The following LIMS1 variants were observed in gnomAD, a reference collection of about 807,000 sequenced individuals.
The protein encoded by LIMS1 is LIM zinc finger domain containing 1.
In LIMS1, 18 loss-of-function variants were observed where a neutral mutation model predicts 44.1. That is an observed-to-expected ratio of 0.41 (90% CI 0.28 to 0.61). The LOEUF (loss-of-function observed/expected upper bound fraction) is 0.61, where lower values mean the gene tolerates loss of function less well. Ranked by LOEUF, LIMS1 falls within the 20% of genes least tolerant of loss-of-function variation. LIMS1 has a pLI of 0.32. For missense variants in LIMS1, 201 were observed against 422.0 expected (o/e 0.48, Z 4.59); for synonymous variants, 93 against 149.1 (o/e 0.62, Z 2.74).
At chr2:108,680,204 A>G (rs115138950) in intron 8 of LIMS1, among the ~76,000 whole-genome samples, 3,902 of 151,674 alleles carry the variant, frequency 0.026, 126 homozygotes, top group South Asian at 0.14. Flanking sequence ...TCCCGTCTCT[A>G]TTAAATACAA....
intron 1 of LIMS1, among the ~76,000 whole-genome samples, chr2:108,568,065 G>C (rs969884255): frequency 2.0e-5 from 3 of 152,110 alleles, no homozygotes; most frequent in Non-Finnish European, 4.4e-5. Context: ...ATTTATTTCA[G>C]TGCTTAATAT....
chr2:108,647,581 C>T (rs988183876), intron 1 of LIMS1, among the ~76,000 whole-genome samples: 6 of 152,142 alleles, frequency 3.9e-5, no homozygotes, highest in African/African-American at 1.2e-4. Flanking sequence ...TACTAGCAAA[C>T]GGAATCCAGC....
At chr2:108,636,665 A>G (rs1481274072) in intron 1 of LIMS1, among the ~76,000 whole-genome samples, 2 of 152,228 alleles carry the variant, frequency 1.3e-5, no homozygotes, top group Non-Finnish European at 2.9e-5. Context: ...GGTAATTGCC[A>G]TATTTTTATA....
At chr2:108,548,871 A>G (rs577256858) in intron 1 of LIMS1, among the ~76,000 whole-genome samples, 5 of 152,344 alleles carry the variant, frequency 3.3e-5, no homozygotes, top group African/African-American at 7.2e-5. Context: ...CTTTTTAGAA[A>G]TGAAGTTTTG....
intron 1 of LIMS1, among the ~76,000 whole-genome samples, chr2:108,593,081 G>A (rs534182195): frequency 5.3e-5 from 8 of 152,196 alleles, no homozygotes; most frequent in African/African-American, 1.9e-4. Flanking sequence ...GTAATTCTAT[G>A]TTTAGCTTTT....
chr2:108,617,441 TAGA>T (rs766935026), intron 1 of LIMS1, among the ~76,000 whole-genome samples: 2 of 152,346 alleles, frequency 1.3e-5, no homozygotes, highest in South Asian at 2.1e-4. Context: ...TCCAATACTG[TAGA>T]AGAAGTGTGT....
intron 1 of LIMS1, among the ~76,000 whole-genome samples, chr2:108,594,526 G>A (rs1272176293): frequency 6.6e-6 from 1 of 152,122 alleles, no homozygotes; most frequent in African/African-American, 2.4e-5. Flanking sequence ...GAGATCGTTT[G>A]AAATGAAAGG....
chr2:108,619,652 C>G (rs555650828), intron 1 of LIMS1, among the ~76,000 whole-genome samples: 21 of 152,272 alleles, frequency 1.4e-4, no homozygotes, highest in African/African-American at 5.1e-4. Flanking sequence ...CCACTGCACT[C>G]TAGCCTGGGT....
At chr2:108,576,191 T>C (rs999846476) in intron 1 of LIMS1, among the ~76,000 whole-genome samples, 10 of 152,232 alleles carry the variant, frequency 6.6e-5, no homozygotes, top group African/African-American at 2.4e-4. Flanking sequence ...TAATAGGTTT[T>C]ATTCATTCCT....
chr2:108,661,512 C>G (rs1691367966), intron 2 of LIMS1, among the ~76,000 whole-genome samples: 1 of 151,868 alleles, frequency 6.6e-6, no homozygotes, highest in African/African-American at 2.4e-5. Flanking sequence ...GCAGGAGAGG[C>G]CAATGTACCA....
intron 1 of LIMS1, among the ~76,000 whole-genome samples, chr2:108,615,195 G>A (rs1687864384): frequency 6.6e-6 from 1 of 152,116 alleles, no homozygotes; most frequent in Non-Finnish European, 1.5e-5. Flanking sequence ...GGAAAATCTG[G>A]ATTTGTGGAA....
At chr2:108,609,969 T>C (rs1411154724) in intron 1 of LIMS1, among the ~76,000 whole-genome samples, 2 of 152,158 alleles carry the variant, frequency 1.3e-5, no homozygotes, top group Non-Finnish European at 2.9e-5. Flanking sequence ...GGTGAAACCC[T>C]GTCTCTACTA....
chr2:108,541,148 CT>C (rs1684303243), intron 1 of LIMS1, among the ~76,000 whole-genome samples: 1 of 152,200 alleles, frequency 6.6e-6, no homozygotes, highest in South Asian at 2.1e-4. Context: ...GTGCTTGCAA[CT>C]TTTTCCTCCC....
intron 3 of LIMS1, among the ~76,000 whole-genome samples, chr2:108,671,448 C>G (rs1692157585): frequency 6.6e-6 from 1 of 152,162 alleles, no homozygotes; most frequent in Non-Finnish European, 1.5e-5. Context: ...CCTTTACCAA[C>G]TTGCTTTTGG....
At chr2:108,667,538 T>TA (rs546617468) in intron 2 of LIMS1, among the ~76,000 whole-genome samples, 4,346 of 128,502 alleles carry the variant, frequency 0.034, 212 homozygotes, top group African/African-American at 0.11. Flanking sequence ...CAACCTTTTT[T>TA]AAAAAAAAAA....
chr2:108,606,018 C>T (rs892419783), intron 1 of LIMS1, among the ~76,000 whole-genome samples: 2 of 152,228 alleles, frequency 1.3e-5, no homozygotes, highest in African/African-American at 4.8e-5. Flanking sequence ...GCCCAAGTAC[C>T]AGGTTCCTGC....
At chr2:108,611,925 T>A (rs1687642504) in intron 1 of LIMS1, among the ~76,000 whole-genome samples, 1 of 144,940 alleles carries the variant, frequency 6.9e-6, no homozygotes, top group African/African-American at 2.6e-5. Context: ...ATATAAAATA[T>A]ATATATACAT....
At chr2:108,622,722 T>C (rs1193114833) in intron 1 of LIMS1, among the ~76,000 whole-genome samples, 3 of 152,146 alleles carry the variant, frequency 2.0e-5, no homozygotes, top group Admixed American at 6.5e-5. Context: ...AAGTGACCTC[T>C]GAAACCAACA....
intron 1 of LIMS1, among the ~76,000 whole-genome samples, chr2:108,600,462 G>A (rs995538152): frequency 1.3e-5 from 2 of 152,190 alleles, no homozygotes; most frequent in African/African-American, 4.8e-5. Flanking sequence ...ATCTTTGAGA[G>A]TTTGCCAGAC....
Sources: allele counts gnomAD v4.1 joint callset (sites outside exome capture counted in the v4.1 genomes callset), GRCh38; gene constraint gnomAD v4.1.1; transcripts MANE v1.5; gene names NCBI Gene and HGNC (gene_info 2026-07-23, HGNC 2026-07-21).